Variants in KAZN observed in about 807,000 individuals in gnomAD.
KAZN encodes the protein kazrin.
Under a neutral mutation model 87.4 loss-of-function variants are expected in KAZN, and 40 were observed. That is an observed-to-expected ratio of 0.46 (90% CI 0.36 to 0.60). The LOEUF (loss-of-function observed/expected upper bound fraction) is 0.60. Among genes scored for constraint, KAZN ranks in the 20% least tolerant of loss-of-function variants. The probability of loss-of-function intolerance (pLI) is 0.00; values close to 1 mark genes in which losing one functional copy is unlikely to be tolerated. For missense variants in KAZN, 898 were observed against 1,073.9 expected, an observed-to-expected ratio of 0.84 and a Z score of 2.29; for synonymous variants, 466 against 458.3, an observed-to-expected ratio of 1.02 and a Z score of -0.22.
intron 1 of KAZN, among the ~76,000 whole-genome samples, chr1:14,855,356 A>G (rs1649965606): frequency 6.6e-6 from 1 of 152,160 alleles, no homozygotes; most frequent in African/African-American, 2.4e-5. Context: ...CATGAAAGTT[A>G]AATTGCTGCC....
intron 1 of KAZN, among the ~76,000 whole-genome samples, chr1:14,165,441 G>A (rs551068838): frequency 1.3e-5 from 2 of 152,250 alleles, no homozygotes; most frequent in South Asian, 4.1e-4. Flanking sequence ...AGCATGAACT[G>A]CTGGCAGTGA....
intron 2 of KAZN, among the ~76,000 whole-genome samples, chr1:14,431,838 G>A (rs1433392606): frequency 6.6e-6 from 1 of 152,158 alleles, no homozygotes; most frequent in Non-Finnish European, 1.5e-5. Flanking sequence ...TGTCTTCCCT[G>A]GTTTTGAAGC....
At chr1:14,723,445 G>T (rs1433277254) in intron 1 of KAZN, among the ~76,000 whole-genome samples, 4 of 152,216 alleles carry the variant, frequency 2.6e-5, no homozygotes, top group African/African-American at 9.6e-5. Context: ...GGTGGCCTGA[G>T]CTTGCTCATC....
At chr1:13,934,519 G>C (rs991587907) in intron 1 of KAZN, among the ~76,000 whole-genome samples, 5 of 152,186 alleles carry the variant, frequency 3.3e-5, no homozygotes, top group Non-Finnish European at 7.3e-5. Flanking sequence ...CTCCTTCACT[G>C]ATACCCAAGA....
chr1:14,002,539 T>C (rs1201537177), intron 1 of KAZN, among the ~76,000 whole-genome samples: 1 of 152,232 alleles, frequency 6.6e-6, no homozygotes, highest in African/African-American at 2.4e-5. Flanking sequence ...CATGTGGAAC[T>C]GCAAGTCCAG....
chr1:14,748,338 G>A (rs763236054), intron 1 of KAZN, among the ~76,000 whole-genome samples: 1 of 152,170 alleles, frequency 6.6e-6, no homozygotes, highest in Non-Finnish European at 1.5e-5. Flanking sequence ...TCATTCATTG[G>A]CGTTTCCTCT....
At chr1:14,899,105 G>A (rs769291503) in intron 1 of KAZN, among the ~76,000 whole-genome samples, 1 of 152,220 alleles carries the variant, frequency 6.6e-6, no homozygotes, top group Admixed American at 6.5e-5. Flanking sequence ...CCACCTGTGA[G>A]TCATAAGAAG....
intron 2 of KAZN, among the ~76,000 whole-genome samples, chr1:14,416,306 G>T (rs1402398988): frequency 6.6e-6 from 1 of 152,138 alleles, no homozygotes; most frequent in Non-Finnish European, 1.5e-5. Flanking sequence ...TGGCACTGAT[G>T]GATTGTTTGG....
intron 1 of KAZN, among the ~76,000 whole-genome samples, chr1:14,640,744 C>A (rs1452600296): frequency 6.6e-6 from 1 of 152,198 alleles, no homozygotes; most frequent in African/African-American, 2.4e-5. Context: ...TTGCACATGC[C>A]ATTTGTTCTG....
At chr1:14,172,385 ATTTG>A (rs1380685213) in intron 1 of KAZN, among the ~76,000 whole-genome samples, 7 of 152,056 alleles carry the variant, frequency 4.6e-5, no homozygotes, top group Admixed American at 2.0e-4. Flanking sequence ...TTCTTCATTT[ATTTG>A]TTCTTTTTTT....
chr1:14,150,611 A>G (rs1220255554), intron 1 of KAZN, among the ~76,000 whole-genome samples: 1 of 152,220 alleles, frequency 6.6e-6, no homozygotes, highest in African/African-American at 2.4e-5. Flanking sequence ...TAATTGAACT[A>G]GGCCTGGGAA....
chr1:14,807,103 T>C (rs1365056229), intron 1 of KAZN, among the ~76,000 whole-genome samples: 1 of 152,226 alleles, frequency 6.6e-6, no homozygotes, highest in Non-Finnish European at 1.5e-5. Context: ...AGTGTCCCTA[T>C]GCCCTATGGG....
At chr1:14,541,463 C>T (rs1437579117) in intron 2 of KAZN, among the ~76,000 whole-genome samples, 3 of 152,194 alleles carry the variant, frequency 2.0e-5, no homozygotes, top group Non-Finnish European at 4.4e-5. Context: ...GAATCTTGAG[C>T]TTGCATTTTC....
intron 1 of KAZN, among the ~76,000 whole-genome samples, chr1:14,006,811 A>AT (rs568879299): frequency 2.6e-5 from 4 of 151,280 alleles, no homozygotes; most frequent in African/African-American, 4.8e-5. Flanking sequence ...CTATTTGGGT[A>AT]TTTTTTTTCT....
At chr1:14,453,502 A>G (rs1223726088) in intron 2 of KAZN, among the ~76,000 whole-genome samples, 4 of 152,204 alleles carry the variant, frequency 2.6e-5, no homozygotes, top group Admixed American at 2.6e-4. Flanking sequence ...CTGGGATACT[A>G]TGGATATAAT....
In KAZN at chr1:15,103,380, C is replaced by T. The variant is rs138142347; in HGVS notation, c.1801C>T (p.Arg601Cys). ...SREALQERRARCETQNIDPVV... is the reference protein window; with the variant it reads ...SREALQERRACCETQNIDPVV... ...CAAGGCCCTCCAGGAGCGCCGGGCC[C>T]GCTGCGAGACGCAGAACATTGACCC... Residue 601 changes from arginine to cysteine, a missense_variant, in exon 12 of 15, where the codon CGC becomes TGC. This residue lies in a region of KAZN where 521 missense variants were observed against 689.4 expected (regional missense o/e 0.76). Coordinates refer to ENST00000376030, the MANE Select transcript of KAZN (RefSeq NM_201628.3). 5.1e-4 allele frequency: 794 copies of T among 1,551,766 alleles called. 3 individuals carry two copies. Among genetic ancestry groups the T allele is most frequent in the Admixed American group, 1.1e-3 (57 of 51,026 alleles).
At chr1:15,107,209 T>G (rs991284978) in intron 13 of KAZN, among the ~76,000 whole-genome samples, 1 of 152,128 alleles carries the variant, frequency 6.6e-6, no homozygotes, top group African/African-American at 2.4e-5. Context: ...AGCAGGCACT[T>G]GGGTGATCCA....
At chr1:13,933,497 A>C (rs564312203) in intron 1 of KAZN, among the ~76,000 whole-genome samples, 19 of 152,232 alleles carry the variant, frequency 1.2e-4, no homozygotes, top group Admixed American at 3.3e-4. Flanking sequence ...CGTCCCCCCC[A>C]AAAAATATTA....
At chr1:14,050,105 T>A (rs1266445330) in intron 1 of KAZN, among the ~76,000 whole-genome samples, 4 of 92,566 alleles carry the variant, frequency 4.3e-5, no homozygotes, top group Admixed American at 9.2e-5. Flanking sequence ...TGCATGTATG[T>A]GCACATGTGT....
Sources: allele counts gnomAD v4.1 joint callset (sites outside exome capture counted in the v4.1 genomes callset), GRCh38; gene constraint gnomAD v4.1.1; regional missense constraint gnomAD v4.1.1; transcripts MANE v1.5; gene names NCBI Gene and HGNC (gene_info 2026-07-23, HGNC 2026-07-21).